Variants in ASTN1 observed in about 807,000 individuals in gnomAD.
ASTN1 encodes astrotactin 1.
ASTN1 carries 41 observed loss-of-function variants against 140.7 expected under a neutral mutation model. The ratio of observed to expected loss-of-function variants is 0.29; its 90% CI spans 0.23 to 0.38. The LOEUF is 0.38. Ranked by LOEUF, ASTN1 falls within the 10% of genes least tolerant of loss-of-function variation. The probability of loss-of-function intolerance (pLI) is 1.00; values close to 1 mark genes in which losing one functional copy is unlikely to be tolerated. For missense variants in ASTN1, 1,479 were observed against 1,678.8 expected (o/e 0.88, Z 2.08); for synonymous variants, 640 against 652.2 (o/e 0.98, Z 0.29).
intron 1 of ASTN1, among the ~76,000 whole-genome samples, chr1:177,068,885 C>G (rs1678496694): frequency 6.9e-6 from 1 of 145,242 alleles, no homozygotes; most frequent in East Asian, 2.0e-4. Flanking sequence ...GTGGCATGAT[C>G]TCAGCTCACT....
intron 1 of ASTN1, among the ~76,000 whole-genome samples, chr1:177,153,832 G>A (rs1460031352): frequency 2.0e-5 from 3 of 152,090 alleles, no homozygotes; most frequent in South Asian, 2.1e-4. Flanking sequence ...AACCTCCCTC[G>A]TATCTAAAAT....
rs1231232000 is a variant in ASTN1 at position 176,946,114 on chromosome 1, G to A, written c.2061C>T (p.Ile687=). The change falls in exon 13 of 23, where the codon ATC becomes ATT. Residue 687 remains isoleucine (I), a synonymous_variant. Transcript: ENST00000361833. ...LYNILMFCGC[I]EDYKLGVDGR... is the part of the protein sequence containing the mutation. ...CATCCACACCAAGCTTGTAGTCCTC[G>A]ATGCACCTAGCACAGAGGAGAGCTC... 4.4e-6 allele frequency: 7 copies of A among 1,609,152 alleles called. No homozygotes were observed. The highest frequency in any genetic ancestry group is 2.2e-5 in the East Asian group (1 of 44,770).
chr1:177,006,287 G>A (rs936610094), intron 8 of ASTN1, among the ~76,000 whole-genome samples: 1 of 152,034 alleles, frequency 6.6e-6, no homozygotes, highest in Non-Finnish European at 1.5e-5. Flanking sequence ...TTGAGGTGGG[G>A]GTTAGTAAAA....
At position 176,894,679 on chromosome 1, in the gene ASTN1, C is replaced by A. The variant is rs373198208; in HGVS notation, c.2823G>T (p.Ser941=). 3 of 1,614,084 alleles carry A rather than the reference C, an allele frequency of 1.9e-6. No individual in the cohort carries two copies. The highest frequency in any genetic ancestry group is 2.7e-5 in the African/African-American group (2 of 75,038). ...ATGTCACATGACACAGGGGGCAGGA[C>A]GAGGGGCATCGTCCCTTGCTGTGGC... ...MECHSKGRCP[S]SCPLCHVTSS... is the part of the protein sequence containing the mutation. The change falls in exon 17 of 23, where the codon TCG becomes TCT. Residue 941 remains serine (S), a synonymous_variant. Transcript: ENST00000361833.
chr1:176,928,929 C>A (rs1215059178), intron 16 of ASTN1, among the ~76,000 whole-genome samples: 1 of 152,058 alleles, frequency 6.6e-6, no homozygotes, highest in Non-Finnish European at 1.5e-5. Context: ...AAGTGGAGGA[C>A]AAGAGAAGCA....
intron 21 of ASTN1, 34 bp downstream of exon 21, chr1:176,876,503 C>A: frequency 6.2e-7 from 1 of 1,610,660 alleles, no homozygotes; most frequent in Non-Finnish European, 8.5e-7. Context: ...TGGGGCATCC[C>A]TTCAGAAACA....
intron 16 of ASTN1, among the ~76,000 whole-genome samples, chr1:176,903,817 A>C (rs1669869857): frequency 6.6e-6 from 1 of 152,152 alleles, no homozygotes. Context: ...TCAAGTTCAA[A>C]ATCAAGGTGT....
chr1:176,861,565 A>C lies in ASTN1; in HGVS notation c.*2719T>G, dbSNP rs1667962557. The C allele has an allele frequency of 1.0e-6, 1 of 985,588 alleles. No homozygotes were observed. The highest frequency in any genetic ancestry group is 1.2e-6 in the Non-Finnish European group (1 of 829,954). The allele number at this position is 985,588 out of a possible 1,614,324, so 61.1% of individuals were successfully genotyped here. On this transcript the variant is annotated 3_prime_UTR_variant, in exon 23 of 23. Coordinates refer to ENST00000361833, the MANE Select transcript of ASTN1 (RefSeq NM_004319.3). The stretch of plus-strand genomic sequence containing the variant: ...TCAATAGTGTCTTCCAAGGGGAAAA[A>C]ATCCTCCAGTCAATTGTACAACCAT...
chr1:176,924,580 AT>A, intron 16 of ASTN1, among the ~76,000 whole-genome samples: 1 of 152,150 alleles, frequency 6.6e-6, no homozygotes, highest in South Asian at 2.1e-4. Flanking sequence ...AAGCAGGAAA[AT>A]TTTTTGCATC....
chr1:177,090,071 A>C lies in ASTN1; in HGVS notation c.284-28806T>G, dbSNP rs142496173. 1.3e-3 allele frequency among the ~76,000 whole-genome samples: 191 copies of C among 152,056 alleles called. 1 individual carries two copies. Among genetic ancestry groups the C allele is most frequent in the Admixed American group, 8.9e-3 (136 of 15,242 alleles). ...TGCCACCGTCATCAATACCATACAA[A>C]ATAATATAAAACAAAGACCCTAGCA... On this transcript the variant is annotated intron_variant, in intron 1 of 22. Coordinates refer to ENST00000361833, the MANE Select transcript of ASTN1 (RefSeq NM_004319.3).
At chr1:177,054,499 G>T (rs1407387893) in intron 2 of ASTN1, among the ~76,000 whole-genome samples, 1 of 152,190 alleles carries the variant, frequency 6.6e-6, no homozygotes, top group African/African-American at 2.4e-5. Flanking sequence ...TCTGACCTGT[G>T]CGTGGAGCAG....
chr1:176,932,292 G>C (rs988924156), intron 16 of ASTN1, among the ~76,000 whole-genome samples: 18 of 152,192 alleles, frequency 1.2e-4, no homozygotes, highest in African/African-American at 4.1e-4. Context: ...CAGCACACTT[G>C]TCATTCCTAG....
At chr1:177,127,571 C>T (rs966636764) in intron 1 of ASTN1, among the ~76,000 whole-genome samples, 1 of 152,188 alleles carries the variant, frequency 6.6e-6, no homozygotes, top group African/African-American at 2.4e-5. Context: ...ATGGTTTGTG[C>T]CCATTCAGTG....
At chr1:176,928,622 A>G (rs1438366814) in intron 16 of ASTN1, among the ~76,000 whole-genome samples, 1 of 152,174 alleles carries the variant, frequency 6.6e-6, no homozygotes, top group Non-Finnish European at 1.5e-5. Context: ...GGCAATTTAG[A>G]TAGATTGAGA....
chr1:176,888,754 G>A (rs1669147007), intron 17 of ASTN1, among the ~76,000 whole-genome samples: 1 of 152,196 alleles, frequency 6.6e-6, no homozygotes, highest in Non-Finnish European at 1.5e-5. Context: ...ATCATGAACA[G>A]GAGAAGCAAT....
intron 7 of ASTN1, among the ~76,000 whole-genome samples, chr1:177,016,017 C>T (rs1675528450): frequency 6.6e-6 from 1 of 152,064 alleles, no homozygotes; most frequent in African/African-American, 2.4e-5. Context: ...CTTTATCTCC[C>T]CAGAAAGAAA....
At chr1:176,875,692 G>A (rs1428595027) in intron 21 of ASTN1, among the ~76,000 whole-genome samples, 1 of 152,128 alleles carries the variant, frequency 6.6e-6, no homozygotes, top group African/African-American at 2.4e-5. Context: ...AAATCAGACT[G>A]GACACAATAT....
intron 12 of ASTN1, among the ~76,000 whole-genome samples, chr1:176,948,551 A>G (rs1672050766): frequency 6.6e-6 from 1 of 152,094 alleles, no homozygotes. Context: ...CTCACTGTGC[A>G]TTAGTTTTTC....
At chr1:176,912,625 C>A (rs908856099) in intron 16 of ASTN1, among the ~76,000 whole-genome samples, 2 of 152,050 alleles carry the variant, frequency 1.3e-5, no homozygotes, top group Non-Finnish European at 2.9e-5. Context: ...TCTAGATATC[C>A]AAGATGAAGT....
Sources: allele counts gnomAD v4.1 joint callset (sites outside exome capture counted in the v4.1 genomes callset), GRCh38; gene constraint gnomAD v4.1.1; transcripts MANE v1.5; gene names NCBI Gene and HGNC (gene_info 2026-07-23, HGNC 2026-07-21).